PPP3CA: variants seen among roughly 807,000 people sequenced by gnomAD.
The protein encoded by PPP3CA is CAM-PRP catalytic subunit.
PPP3CA carries 14 observed loss-of-function variants against 66.5 expected under a neutral mutation model. The ratio of observed to expected loss-of-function variants is 0.21; its 90% confidence interval spans 0.14 to 0.33. PPP3CA has a LOEUF of 0.33. Ranked by LOEUF, PPP3CA falls within the 10% of genes least tolerant of loss-of-function variation. The pLI is 1.00. For missense variants in PPP3CA, 317 were observed against 639.5 expected (o/e 0.50, Z 5.44); for synonymous variants, 232 against 226.2 (o/e 1.03, Z -0.23).
At chr4:101,317,066 C>A (rs991095598) in intron 1 of PPP3CA, among the ~76,000 whole-genome samples, 1 of 151,928 alleles carries the variant, frequency 6.6e-6, no homozygotes, top group Admixed American at 6.6e-5. Flanking sequence ...GCATTTACCT[C>A]CCCACTTCAC....
At chr4:101,327,669 A>G in intron 1 of PPP3CA, among the ~76,000 whole-genome samples, 1 of 152,304 alleles carries the variant, frequency 6.6e-6, no homozygotes, top group Admixed American at 6.5e-5. Flanking sequence ...AATTAGCTGT[A>G]TATGTATTAT....
At chr4:101,138,718 T>C (rs570023382) in intron 2 of PPP3CA, among the ~76,000 whole-genome samples, 54 of 152,346 alleles carry the variant, frequency 3.5e-4, no homozygotes, top group Middle Eastern at 6.8e-3. Flanking sequence ...CTCTGCACTC[T>C]TATTTGTCTG....
At chr4:101,268,200 A>G (rs1037255410) in intron 1 of PPP3CA, among the ~76,000 whole-genome samples, 1 of 152,130 alleles carries the variant, frequency 6.6e-6, no homozygotes, top group Non-Finnish European at 1.5e-5. Context: ...AACAATAACA[A>G]TAATAAAAAT....
chr4:101,099,463 CT>C, intron 4 of PPP3CA, 147 bp downstream of exon 4: 1 of 397,944 alleles, frequency 2.5e-6, no homozygotes, highest in Admixed American at 4.5e-5. Flanking sequence ...AATGTCCATG[CT>C]TAGAAAGAAA....
At chr4:101,275,008 A>G (rs924377100) in intron 1 of PPP3CA, among the ~76,000 whole-genome samples, 1 of 152,224 alleles carries the variant, frequency 6.6e-6, no homozygotes, top group Non-Finnish European at 1.5e-5. Context: ...TTCAAAAATG[A>G]AACTGAATCA....
chr4:101,138,279 C>G (rs1053755701), intron 2 of PPP3CA, among the ~76,000 whole-genome samples: 1 of 152,108 alleles, frequency 6.6e-6, no homozygotes, highest in South Asian at 2.1e-4. Flanking sequence ...TGAATCTTGG[C>G]TTTTCTTTCC....
chr4:101,107,675 A>G (rs2110262388), intron 3 of PPP3CA, among the ~76,000 whole-genome samples: 1 of 152,342 alleles, frequency 6.6e-6, no homozygotes, highest in Middle Eastern at 3.4e-3. Flanking sequence ...GGTGAATTAA[A>G]TAACCGAAAA....
intron 1 of PPP3CA, among the ~76,000 whole-genome samples, chr4:101,225,348 T>C (rs1240394931): frequency 6.6e-6 from 1 of 151,768 alleles, no homozygotes; most frequent in Non-Finnish European, 1.5e-5. Flanking sequence ...CAAATATTTG[T>C]TGAATAAATG....
chr4:101,153,130 A>C (rs187493214), intron 2 of PPP3CA, among the ~76,000 whole-genome samples: 125 of 152,308 alleles, frequency 8.2e-4, no homozygotes, highest in African/African-American at 2.9e-3. Context: ...GTGAAGTGGT[A>C]GGACGGTAAA....
At chr4:101,339,896 G>A (rs1269596799) in intron 1 of PPP3CA, among the ~76,000 whole-genome samples, 3 of 152,098 alleles carry the variant, frequency 2.0e-5, no homozygotes, top group East Asian at 1.9e-4. Flanking sequence ...TACATAGAAA[G>A]AACTGGACAT....
intron 1 of PPP3CA, among the ~76,000 whole-genome samples, chr4:101,259,719 A>G (rs1005030020): frequency 1.3e-5 from 2 of 152,150 alleles, no homozygotes; most frequent in Non-Finnish European, 2.9e-5. Context: ...TTGGACTAAA[A>G]TACACACACA....
chr4:101,072,974 A>G (rs1728985617), intron 8 of PPP3CA, among the ~76,000 whole-genome samples: 2 of 150,696 alleles, frequency 1.3e-5, no homozygotes, highest in Non-Finnish European at 3.0e-5. Context: ...ATATAAAGCT[A>G]TATCACTCAA....
At chr4:101,261,335 T>A (rs934917636) in intron 1 of PPP3CA, among the ~76,000 whole-genome samples, 6 of 152,088 alleles carry the variant, frequency 3.9e-5, no homozygotes, top group Admixed American at 3.9e-4. Context: ...TTGTAGAAAA[T>A]ACCATAAAAG....
chr4:101,339,573 TCCAATTCG>T (rs1025132547), intron 1 of PPP3CA, among the ~76,000 whole-genome samples: 2 of 152,172 alleles, frequency 1.3e-5, no homozygotes, highest in Admixed American at 6.6e-5. Flanking sequence ...AAAGAAGCAC[TCCAATTCG>T]CCAGTCACCA....
chr4:101,186,499 T>C (rs570620240), intron 2 of PPP3CA, among the ~76,000 whole-genome samples: 73 of 152,294 alleles, frequency 4.8e-4, no homozygotes, highest in African/African-American at 1.7e-3. Flanking sequence ...TGGGACTCTT[T>C]AGCAAAGCCC....
intron 2 of PPP3CA, among the ~76,000 whole-genome samples, chr4:101,135,391 T>C (rs1410739392): frequency 2.0e-5 from 3 of 152,170 alleles, no homozygotes; most frequent in Non-Finnish European, 4.4e-5. Context: ...CAGTTTATTC[T>C]GAACTCCGTA....
chr4:101,127,288 C>G (rs181702500), intron 2 of PPP3CA, among the ~76,000 whole-genome samples: 5 of 152,010 alleles, frequency 3.3e-5, no homozygotes, highest in Admixed American at 6.6e-5. Flanking sequence ...CTCTACCCCC[C>G]ACCAAAAATA....
At chr4:101,180,322 T>C (rs775793587) in intron 2 of PPP3CA, among the ~76,000 whole-genome samples, 1 of 152,116 alleles carries the variant, frequency 6.6e-6, no homozygotes, top group Non-Finnish European at 1.5e-5. Flanking sequence ...GTTCTACTCA[T>C]GATCTAAGAA....
chr4:101,220,393 T>C (rs1464966272), intron 1 of PPP3CA, among the ~76,000 whole-genome samples: 2 of 151,562 alleles, frequency 1.3e-5, no homozygotes, highest in Admixed American at 6.6e-5. Context: ...ACCAAAACCA[T>C]TTTTAGTTCT....
Sources: gnomAD v4.1 joint callset for allele counts (sites outside exome capture counted in the v4.1 genomes callset) on GRCh38, gnomAD v4.1.1 for gene constraint, MANE v1.5 for transcripts, NCBI Gene and HGNC (gene_info 2026-07-23, HGNC 2026-07-21) for gene names.